The following SNX8 variants were observed in gnomAD, a reference collection of about 807,000 sequenced individuals.
The protein encoded by SNX8 is sorting nexin 8.
In SNX8, 25 loss-of-function variants were observed where a neutral mutation model predicts 51.6. The observed-to-expected ratio is 0.48, with a 90% CI of 0.35 to 0.68. The LOEUF (loss-of-function observed/expected upper bound fraction) is 0.68, where lower values mean the gene tolerates loss of function less well. Among genes scored for constraint, SNX8 ranks in the 30% least tolerant of loss-of-function variants. SNX8 has a pLI of 0.00. For synonymous variants in SNX8, 324 were observed against 277.0 expected (o/e 1.17, Z -1.68); for missense variants, 695 against 624.0 (o/e 1.11, Z -1.21).
intron 3 of SNX8, among the ~76,000 whole-genome samples, chr7:2,272,369 CTTCTT>C (rs1362346395): frequency 7.9e-5 from 12 of 151,462 alleles, no homozygotes; most frequent in Non-Finnish European, 1.3e-4. Context: ...CAACCCAGGT[CTTCTT>C]TTCTTTTTTT....
chr7:2,286,240 G>C (rs1796025647), intron 1 of SNX8, among the ~76,000 whole-genome samples: 2 of 151,774 alleles, frequency 1.3e-5, no homozygotes, highest in Admixed American at 1.3e-4. Context: ...TTGAACTCCT[G>C]AACTCAGGTG....
intron 1 of SNX8, among the ~76,000 whole-genome samples, chr7:2,294,799 C>T (rs569032026): frequency 2.8e-4 from 43 of 152,108 alleles, no homozygotes; most frequent in African/African-American, 9.9e-4. Context: ...CTTTGTGAGG[C>T]CAAACAGGGA....
intron 1 of SNX8, among the ~76,000 whole-genome samples, chr7:2,295,714 G>A (rs1391599220): frequency 6.6e-6 from 1 of 151,688 alleles, no homozygotes; most frequent in African/African-American, 2.4e-5. Flanking sequence ...TTCTAGAGTT[G>A]TTATAGTTTC....
intron 5 of SNX8, among the ~76,000 whole-genome samples, chr7:2,266,577 C>T (rs538296053): frequency 1.3e-5 from 2 of 152,236 alleles, no homozygotes; most frequent in Admixed American, 1.3e-4. Flanking sequence ...GAACTCCTGA[C>T]CTCGTGATCC....
At chr7:2,256,782 C>T (rs1795189874) in intron 10 of SNX8, 92 bp downstream of exon 10, 1 of 1,342,648 alleles carries the variant, frequency 7.4e-7, no homozygotes, top group Non-Finnish European at 1.0e-6. Context: ...CTCTCTAGGG[C>T]GGCCGGCCAC....
chr7:2,340,448 T>G (rs952536424), intron 1 of SNX8, among the ~76,000 whole-genome samples: 1 of 152,026 alleles, frequency 6.6e-6, no homozygotes, highest in Non-Finnish European at 1.5e-5. Flanking sequence ...GCTTTTTTTT[T>G]GGAATTTTCA....
intron 1 of SNX8, among the ~76,000 whole-genome samples, chr7:2,319,683 C>T (rs1416684184): frequency 2.6e-5 from 4 of 152,266 alleles, no homozygotes; most frequent in East Asian, 3.9e-4. Flanking sequence ...GGTGTGGTGG[C>T]GGGCGCCTGT....
intron 1 of SNX8, among the ~76,000 whole-genome samples, chr7:2,304,166 CAAA>C (rs554309852): frequency 2.6e-5 from 2 of 76,554 alleles, no homozygotes; most frequent in Admixed American, 1.5e-4. Context: ...GACTCCGTCT[CAAA>C]AAAAAAAAAA....
intron 1 of SNX8, among the ~76,000 whole-genome samples, chr7:2,348,190 T>C (rs1459196838): frequency 6.6e-6 from 1 of 152,078 alleles, no homozygotes; most frequent in Non-Finnish European, 1.5e-5. Context: ...AGGTGAATCG[T>C]TTCTTCTGCC....
chr7:2,267,337 C>A (rs1409800541), intron 5 of SNX8, among the ~76,000 whole-genome samples: 1 of 144,214 alleles, frequency 6.9e-6, no homozygotes. Flanking sequence ...TCCCCCTCTC[C>A]CTCTCCCTCA....
chr7:2,269,467 C>G (rs1398303972), intron 5 of SNX8, 92 bp downstream of exon 5: 9 of 658,000 alleles, frequency 1.4e-5, no homozygotes, highest in Non-Finnish European at 2.1e-5. Context: ...GTCCCATGAC[C>G]CTGCCAAATC....
At chr7:2,305,030 G>A (rs903764046) in intron 1 of SNX8, among the ~76,000 whole-genome samples, 1 of 152,204 alleles carries the variant, frequency 6.6e-6, no homozygotes, top group Non-Finnish European at 1.5e-5. Flanking sequence ...GACAAGCCTT[G>A]CTGTTCCTGC....
At chr7:2,259,575 C>T (rs1439868554) in intron 7 of SNX8, among the ~76,000 whole-genome samples, 3 of 152,226 alleles carry the variant, frequency 2.0e-5, no homozygotes, top group Non-Finnish European at 4.4e-5. Flanking sequence ...ATACCCCTTC[C>T]ACCCTCCAGA....
intron 1 of SNX8, among the ~76,000 whole-genome samples, chr7:2,293,202 A>G (rs1359720751): frequency 6.7e-6 from 1 of 148,250 alleles, no homozygotes; most frequent in Non-Finnish European, 1.5e-5. Context: ...CAGGTCTCCA[A>G]TTCCTAAGCT....
rs147170244 is a variant in SNX8 at position 2,264,374 on chromosome 7, G to C, written c.706C>G (p.Arg236Gly). 15 of 1,612,814 alleles carry C rather than the reference G, an allele frequency of 9.3e-6. No homozygotes were observed. Among genetic ancestry groups the C allele is most frequent in the Non-Finnish European group, 1.2e-5 (14 of 1,179,994 alleles). ...GATGCGATCCGCTCGGCCCTGTCGC[G>C]AAGCTTGTGAAAGCTATTGTAGATG... The part of the protein sequence containing the change: ...RNIYNSFHKL[R>G]DRAERIASRA... The change falls in exon 6 of 11, where the codon CGC becomes GGC. Residue 236 changes from arginine (R) to glycine (G), a missense_variant. Coordinates refer to ENST00000222990, the MANE Select transcript of SNX8 (RefSeq NM_013321.4).
chr7:2,349,229 A>G (rs1562466355), intron 1 of SNX8, among the ~76,000 whole-genome samples: 3 of 151,718 alleles, frequency 2.0e-5, no homozygotes, highest in African/African-American at 7.3e-5. Context: ...AAAAGTAAAA[A>G]AAATGCGTAA....
At chr7:2,277,909 G>GC (rs1795818753) in intron 2 of SNX8, among the ~76,000 whole-genome samples, 191 bp downstream of exon 2, 1 of 152,060 alleles carries the variant, frequency 6.6e-6, no homozygotes, top group African/African-American at 2.4e-5. Context: ...AGAGTGAGGT[G>GC]CGGGGAGCAG....
chr7:2,340,885 C>G (rs1391948528), intron 1 of SNX8, among the ~76,000 whole-genome samples: 1 of 108,408 alleles, frequency 9.2e-6, no homozygotes, highest in African/African-American at 3.4e-5. Flanking sequence ...AAAAAAAAAA[C>G]TCTAAAGCTA....
At chr7:2,352,096 T>C (rs969551950) in intron 1 of SNX8, among the ~76,000 whole-genome samples, 2 of 151,868 alleles carry the variant, frequency 1.3e-5, no homozygotes, top group East Asian at 2.0e-4. Flanking sequence ...TTAGTAGAGA[T>C]GGGGTTTCAC....
Sources: allele counts gnomAD v4.1 joint callset (sites outside exome capture counted in the v4.1 genomes callset), GRCh38; gene constraint gnomAD v4.1.1; transcripts MANE v1.5; gene names NCBI Gene and HGNC (gene_info 2026-07-23, HGNC 2026-07-21).